MGRN1: variants seen among roughly 807,000 people sequenced by gnomAD.
MGRN1 encodes the protein E3 ubiquitin-protein ligase MGRN1.
A neutral mutation model predicts 69.2 loss-of-function variants in MGRN1; 29 were observed. The observed-to-expected ratio is 0.42, with a 90% CI of 0.31 to 0.57. MGRN1 has a LOEUF of 0.57. Among genes scored for constraint, MGRN1 ranks in the 20% least tolerant of loss-of-function variants. The pLI, the probability that MGRN1 is intolerant of heterozygous loss-of-function variation, is 0.15. For synonymous variants in MGRN1, 470 were observed against 344.2 expected, an observed-to-expected ratio of 1.37 and a Z score of -4.04; for missense variants, 998 against 796.2, an observed-to-expected ratio of 1.25 and a Z score of -3.05.
intron 5 of MGRN1, among the ~76,000 whole-genome samples, chr16:4,660,520 G>C (rs964645441): frequency 2.6e-5 from 4 of 152,250 alleles, no homozygotes; most frequent in Non-Finnish European, 5.9e-5. Flanking sequence ...AGGCTCCTCA[G>C]AGCACAGAGC....
At chr16:4,666,393 A>T (rs901100174) in intron 7 of MGRN1, among the ~76,000 whole-genome samples, 1 of 152,106 alleles carries the variant, frequency 6.6e-6, no homozygotes, top group Admixed American at 6.6e-5. Context: ...TGGCCTTCCA[A>T]AGTGCTGGGA....
rs189389102 is a variant in MGRN1 at position 4,645,183 on chromosome 16, C to G, written c.89-5182C>G. 3.5e-4 allele frequency among the ~76,000 whole-genome samples: 53 copies of G among 151,038 alleles called. 1 individual carries two copies. Among genetic ancestry groups the G allele is most frequent in the African/African-American group, 1.1e-3 (43 of 40,664 alleles). ...GGTGGTGGGGGGACGGGAAGAGAGACAGGGTCTTGCTCTGTTGCCCAGGCT... is the reference window on the plus strand; with the variant it reads ...GGTGGTGGGGGGACGGGAAGAGAGAGAGGGTCTTGCTCTGTTGCCCAGGCT... On this transcript the variant is annotated intron_variant, in intron 1 of 16. Coordinates refer to ENST00000262370, the MANE Select transcript of MGRN1 (RefSeq NM_015246.4).
At position 4,689,017 on chromosome 16, in the gene MGRN1, C is replaced by T. The variant is rs2079400691; in HGVS notation, c.*109C>T. 5.7e-6 allele frequency: 8 copies of T among 1,396,626 alleles called. No homozygotes were observed. Among genetic ancestry groups the T allele is most frequent in the Admixed American group, 2.8e-5 (1 of 36,040 alleles). The allele number at this position is 1,396,626 out of a possible 1,614,324, so 86.5% of individuals were successfully genotyped here. ...CTCCTGTCTGCATGCCCCCTGTGGCCACCAGGCTCCGAGGGGCCGTGGTGA... is the reference window on the plus strand; with the variant it reads ...CTCCTGTCTGCATGCCCCCTGTGGCTACCAGGCTCCGAGGGGCCGTGGTGA... On this transcript the variant is annotated 3_prime_UTR_variant, in exon 17 of 17. Coordinates refer to ENST00000262370, the MANE Select transcript of MGRN1 (RefSeq NM_015246.4).
intron 16 of MGRN1, among the ~76,000 whole-genome samples, chr16:4,685,634 C>T (rs1016544664): frequency 1.3e-5 from 2 of 152,222 alleles, no homozygotes; most frequent in African/African-American, 4.8e-5. Context: ...GGCTGTTTGG[C>T]GCCATCTCCG....
chr16:4,626,185 G>A (rs1218456511), intron 1 of MGRN1, among the ~76,000 whole-genome samples: 1 of 152,206 alleles, frequency 6.6e-6, no homozygotes, highest in East Asian at 1.9e-4. Flanking sequence ...TGAAGTGAGG[G>A]GAACCAGCAC....
In MGRN1 at chr16:4,683,826, T is replaced by G. The variant is rs1291114356; in HGVS notation, c.1529-17T>G. 1 of 1,610,530 alleles carries G rather than the reference T, an allele frequency of 6.2e-7. No individual in the cohort carries two copies. Among genetic ancestry groups the G allele is most frequent in the Admixed American group, 1.7e-5 (1 of 59,896 alleles). On this transcript the variant is annotated splice_polypyrimidine_tract_variant and intron_variant, in intron 15 of 16. Transcript: ENST00000262370. ...GGCCCCTGCCTGTAGGTCCCTAACC[T>G]CACCCTCTGCCTGCAGGGACCCGAG...
chr16:4,686,153 A>G (rs1251104142), intron 16 of MGRN1: 5 of 1,323,918 alleles, frequency 3.8e-6, no homozygotes, highest in Non-Finnish European at 5.1e-6. Context: ...GTTTGTTTCT[A>G]GACGGCCTCG....
Position 4,689,826 on chromosome 16 carries a change from C to T in MGRN1, c.*918C>T, listed in dbSNP as rs997703635. 2 of 149,526 alleles carry T rather than the reference C, an allele frequency of 1.3e-5. No individual in the cohort carries two copies. Among genetic ancestry groups the T allele is most frequent in the Admixed American group, 1.3e-4 (2 of 14,962 alleles). The allele number at this position is 149,526 out of a possible 1,614,324, so 9.3% of individuals were successfully genotyped here. On this transcript the variant is annotated 3_prime_UTR_variant, in exon 17 of 17. Transcript: ENST00000262370. ...TGCTGCCCAGGCTGGAGTGCAGTGG[C>T]TCAATCTCGGGTCACTGCAACCTCC...
chr16:4,633,427 C>T (rs1898108593), intron 1 of MGRN1, among the ~76,000 whole-genome samples: 1 of 151,360 alleles, frequency 6.6e-6, no homozygotes, highest in South Asian at 2.1e-4. Context: ...TGCCGTGGCT[C>T]ACACCTGTAA....
chr16:4,626,837 C>G (rs1259305682), intron 1 of MGRN1, among the ~76,000 whole-genome samples: 1 of 152,244 alleles, frequency 6.6e-6, no homozygotes, highest in Admixed American at 6.5e-5. Context: ...TTGGTTGGCA[C>G]TGGCACCCAG....
Position 4,686,381 on chromosome 16 carries a change from G to A in MGRN1, c.1619-2415G>A, listed in dbSNP as rs561170347. 149 of 1,508,908 alleles carry A rather than the reference G, an allele frequency of 9.9e-5. No individual in the cohort carries two copies. The Middle Eastern group carries it at 1.6e-3, about 16-fold the overall frequency. The allele number at this position is 1,508,908 out of a possible 1,614,324, so 93.5% of individuals were successfully genotyped here. A position where few individuals can be genotyped will look rare whatever the true frequency, so the allele number is the denominator to read the frequency against. ...GAGGAGCCCTCCCCTGCTCTCTGGC[G>A]GGGGTTCCTTCTGGTTTTTGGGTCT... On this transcript the variant is annotated intron_variant, in intron 16 of 16. Transcript: ENST00000262370.
At chr16:4,669,220 G>C (rs1375498235) in intron 8 of MGRN1, 1 of 152,194 alleles carries the variant, frequency 6.6e-6, no homozygotes, top group African/African-American at 2.4e-5. Flanking sequence ...GATCACTTGA[G>C]CCCAGGAGTT....
rs1377088655 is a variant in MGRN1, at chr16:4,690,273, G to A, written c.*1365G>A. The A allele has an allele frequency of 6.6e-6, 1 of 152,104 alleles. No individual in the cohort carries two copies. The highest frequency in any genetic ancestry group is 2.4e-5 in the African/African-American group (1 of 41,404). 9.4% of individuals were successfully genotyped at this position (152,104 alleles called of 1,614,324 possible). ...GCCGCAGATGGCAAAGGGAGTGCCT[G>A]GGCCTGGTGACCCAGGGCTGGATCC... On this transcript the variant is annotated 3_prime_UTR_variant, in exon 17 of 17. Transcript: ENST00000262370.
chr16:4,626,662 C>T (rs1404279588), intron 1 of MGRN1, among the ~76,000 whole-genome samples: 2 of 152,244 alleles, frequency 1.3e-5, no homozygotes, highest in East Asian at 3.8e-4. Context: ...TCACCTGGGA[C>T]CTGAGCTCAC....
At chr16:4,666,860 G>T (rs1238386175) in intron 7 of MGRN1, among the ~76,000 whole-genome samples, 1 of 152,204 alleles carries the variant, frequency 6.6e-6, no homozygotes, top group Non-Finnish European at 1.5e-5. Context: ...CCAGAGCTGA[G>T]TTTGATGTCT....
At chr16:4,687,228 T>C (rs2079345502) in intron 16 of MGRN1, 1 of 985,120 alleles carries the variant, frequency 1.0e-6, no homozygotes, top group Non-Finnish European at 1.2e-6. Flanking sequence ...AGGCGCCCTC[T>C]ACCAGGGTGG....
intron 8 of MGRN1, among the ~76,000 whole-genome samples, chr16:4,669,555 C>T (rs1299845789): frequency 6.6e-6 from 1 of 152,000 alleles, no homozygotes; most frequent in South Asian, 2.1e-4. Context: ...TGTACAGGGA[C>T]GCCTGCAGGC....
intron 16 of MGRN1, among the ~76,000 whole-genome samples, chr16:4,684,886 C>T (rs1321863178): frequency 6.6e-6 from 1 of 152,240 alleles, no homozygotes; most frequent in African/African-American, 2.4e-5. Context: ...CTTCCTGGCC[C>T]CAGGGCCCAC....
chr16:4,671,558 C>T (rs1384779090), intron 9 of MGRN1, 99 bp downstream of exon 9: 1 of 1,109,514 alleles, frequency 9.0e-7, no homozygotes, highest in African/African-American at 1.5e-5. Flanking sequence ...ATGCCTTCCC[C>T]TGGAGTCCTA....
Sources: gnomAD v4.1 joint callset for allele counts (sites outside exome capture counted in the v4.1 genomes callset) on GRCh38, gnomAD v4.1.1 for gene constraint, MANE v1.5 for transcripts, NCBI Gene and HGNC (gene_info 2026-07-23, HGNC 2026-07-21) for gene names.